NUMB: variants seen among roughly 807,000 people sequenced by gnomAD.
The protein encoded by NUMB is NUMB endocytic adaptor protein.
In NUMB, 29 loss-of-function variants were observed where a neutral mutation model predicts 59.7. The observed-to-expected ratio is 0.49, with a 90% CI of 0.36 to 0.66. The LOEUF (loss-of-function observed/expected upper bound fraction) is 0.66. Among genes scored for constraint, NUMB ranks in the 30% least tolerant of loss-of-function variants. NUMB has a pLI of 0.00. For synonymous variants in NUMB, 288 were observed against 288.2 expected (o/e 1.00, Z 0.01); for missense variants, 723 against 822.0 (o/e 0.88, Z 1.47).
At chr14:73,344,799 G>A (rs1423356694) in intron 4 of NUMB, among the ~76,000 whole-genome samples, 1 of 152,142 alleles carries the variant, frequency 6.6e-6, no homozygotes, top group Non-Finnish European at 1.5e-5. Flanking sequence ...ATCCACTTCA[G>A]CATGCCATAT....
intron 2 of NUMB, among the ~76,000 whole-genome samples, chr14:73,396,416 T>C (rs1896141886): frequency 6.6e-6 from 1 of 151,554 alleles, no homozygotes; most frequent in African/African-American, 2.4e-5. Flanking sequence ...GGCACAATCA[T>C]AACTCACTGG....
chr14:73,371,845 T>C lies in NUMB; in HGVS notation c.-100-4864A>G, dbSNP rs118022198. Among the ~76,000 whole-genome samples the C allele has an allele frequency of 4.7e-3, 717 of 152,294 alleles. 5 individuals carry two copies. The highest frequency in any genetic ancestry group is 0.03 in the South Asian group (144 of 4,826). On this transcript the variant is annotated intron_variant, in intron 2 of 12. Coordinates refer to ENST00000555238, the MANE Select transcript of NUMB (RefSeq NM_001005743.2). ...CTGCCAGTACCTTGATCTTGGACTT[T>C]CCAGCCACCAGAACTGTGAGAAAAT...
At chr14:73,407,568 C>T (rs767719238) in intron 2 of NUMB, among the ~76,000 whole-genome samples, 1 of 152,214 alleles carries the variant, frequency 6.6e-6, no homozygotes, top group Non-Finnish European at 1.5e-5. Context: ...GATATTGCCT[C>T]TATTGACACA....
At chr14:73,396,919 T>C (rs1896164836) in intron 2 of NUMB, among the ~76,000 whole-genome samples, 2 of 152,092 alleles carry the variant, frequency 1.3e-5, no homozygotes, top group African/African-American at 4.8e-5. Context: ...AGTCAGGAGT[T>C]TGAGACCAGT....
intron 2 of NUMB, among the ~76,000 whole-genome samples, chr14:73,386,938 T>C (rs1216604686): frequency 3.1e-5 from 4 of 131,076 alleles, no homozygotes; most frequent in Non-Finnish European, 6.2e-5. Flanking sequence ...TGGAGTGCAG[T>C]GGCGGGATCT....
chr14:73,383,211 C>G (rs550372115), intron 2 of NUMB, among the ~76,000 whole-genome samples: 1 of 152,100 alleles, frequency 6.6e-6, no homozygotes, highest in East Asian at 1.9e-4. Flanking sequence ...AATTACCACA[C>G]ACAGACTTTA....
Position 73,276,565 on chromosome 14 carries a change from C to A in NUMB, c.*13G>T, listed in dbSNP as rs1261087824. The A allele has an allele frequency of 6.2e-7, 1 of 1,600,424 alleles. No homozygotes were observed. The highest frequency in any genetic ancestry group is 8.5e-7 in the Non-Finnish European group (1 of 1,170,020). On this transcript the variant is annotated 3_prime_UTR_variant, in exon 13 of 13. Coordinates refer to ENST00000555238, the MANE Select transcript of NUMB (RefSeq NM_001005743.2). ...TGTCTGGTATGGACAAGATACATAG[C>A]CATAATGATTGCTTAAAGTTCAATT...
intron 2 of NUMB, among the ~76,000 whole-genome samples, chr14:73,388,161 C>A (rs1445876654): frequency 2.0e-5 from 3 of 152,010 alleles, no homozygotes; most frequent in Non-Finnish European, 4.4e-5. Context: ...TTCAAGTGCT[C>A]GCTGGTTAAT....
intron 4 of NUMB, among the ~76,000 whole-genome samples, chr14:73,349,385 C>T (rs1054315672): frequency 1.6e-4 from 25 of 151,784 alleles, no homozygotes; most frequent in Non-Finnish European, 2.5e-4. Context: ...GTCAGGAGTT[C>T]ATGACCAGCC....
In NUMB at chr14:73,276,899, A is replaced by C. The variant is rs1401095243; in HGVS notation, c.1635T>G (p.Pro545=). The C allele has an allele frequency of 6.2e-7, 1 of 1,613,998 alleles. No individual in the cohort carries two copies. The highest frequency in any genetic ancestry group is 8.5e-7 in the Non-Finnish European group (1 of 1,179,914). The change falls in exon 13 of 13, where the codon CCT becomes CCG. Residue 545 remains proline (P), a synonymous_variant. Transcript: ENST00000555238. The part of the protein sequence containing the change: ...VANVFGTAGH[P]QAAHPHQSPS... ...GTGACTGATGGGGATGGGCAGCCTG[A>C]GGGTGGCCTGCAGTGCCAAATACGT...
intron 4 of NUMB, among the ~76,000 whole-genome samples, chr14:73,346,033 AG>A (rs1892899405): frequency 6.6e-6 from 1 of 152,240 alleles, no homozygotes; most frequent in Non-Finnish European, 1.5e-5. Context: ...TCCAAAACAA[AG>A]AAATTTAGTG....
chr14:73,449,375 A>G (rs546385076), intron 1 of NUMB, among the ~76,000 whole-genome samples: 44 of 152,254 alleles, frequency 2.9e-4, no homozygotes, highest in Non-Finnish European at 6.2e-4. Flanking sequence ...TATATGTTAT[A>G]TAATCTCTAG....
chr14:73,437,226 T>C (rs186010122), intron 1 of NUMB, among the ~76,000 whole-genome samples: 17 of 152,072 alleles, frequency 1.1e-4, no homozygotes, highest in Non-Finnish European at 1.8e-4. Context: ...TTGTATATTT[T>C]ATAGAGATGA....
At chr14:73,390,638 CTTTTTTTTTTTTTTTTT>C (rs55831976) in intron 2 of NUMB, among the ~76,000 whole-genome samples, 7 of 39,384 alleles carry the variant, frequency 1.8e-4, no homozygotes, top group Admixed American at 1.5e-3. Flanking sequence ...AAAACAAAGT[CTTTTTTTTTTTTTTTTT>C]TTTTTTTTTT....
intron 2 of NUMB, among the ~76,000 whole-genome samples, chr14:73,369,147 T>C (rs1481921113): frequency 6.6e-6 from 1 of 151,744 alleles, no homozygotes; most frequent in African/African-American, 2.4e-5. Flanking sequence ...GTTCAAGTGA[T>C]TCTCCTGCCT....
rs1351836494 is a variant in NUMB, at chr14:73,390,362, T to C, written c.-101+19575A>G. Among the ~76,000 whole-genome samples the C allele has an allele frequency of 2.6e-5, 4 of 152,330 alleles. No homozygotes were observed. The East Asian group carries it at 5.8e-4, about 22-fold the overall frequency. On this transcript the variant is annotated intron_variant, in intron 2 of 12. Transcript: ENST00000555238. The stretch of plus-strand genomic sequence containing the variant: ...TTGAAAAAACATTCCAAAGTTATCA[T>C]TGGTTTGATTTGCTTTTAGAAACAG...
At chr14:73,294,727 C>T (rs1307911392) in intron 7 of NUMB, among the ~76,000 whole-genome samples, 2 of 147,702 alleles carry the variant, frequency 1.4e-5, no homozygotes, top group African/African-American at 5.0e-5. Context: ...GCATGTTGGC[C>T]AGGATGGTCT....
At chr14:73,308,677 A>C (rs1401289736) in intron 6 of NUMB, among the ~76,000 whole-genome samples, 1 of 152,220 alleles carries the variant, frequency 6.6e-6, no homozygotes, top group African/African-American at 2.4e-5. Flanking sequence ...CAAAACCATC[A>C]GCATATATTA....
chr14:73,394,511 T>C (rs954244611), intron 2 of NUMB, among the ~76,000 whole-genome samples: 4 of 152,044 alleles, frequency 2.6e-5, no homozygotes, highest in Non-Finnish European at 5.9e-5. Context: ...TGGGCCCCAG[T>C]GATCCTCTGG....
Sources: gnomAD v4.1 joint callset for allele counts (sites outside exome capture counted in the v4.1 genomes callset) on GRCh38, gnomAD v4.1.1 for gene constraint, MANE v1.5 for transcripts, NCBI Gene and HGNC (gene_info 2026-07-23, HGNC 2026-07-21) for gene names.